Variants in CHLSN observed in about 807,000 individuals in gnomAD.
The protein encoded by CHLSN is protein cholesin.
the CHLSN span, among the ~76,000 whole-genome samples, chr7:1,070,502 CGCACACAT>C: frequency 7.3e-5 from 11 of 150,500 alleles, no homozygotes; most frequent in African/African-American, 2.5e-4. Context: ...CGAATGCACG[CGCACACAT>C]GCACACATGC....
At chr7:1,099,032 C>T in the CHLSN span, among the ~76,000 whole-genome samples, 7 of 152,276 alleles carry the variant, frequency 4.6e-5, no homozygotes, top group African/African-American at 1.4e-4. Context: ...ATTCAAGCGC[C>T]GGGCTGTGTT....
the CHLSN span, chr7:997,797 T>C: frequency 1.2e-6 from 2 of 1,603,692 alleles, no homozygotes; most frequent in African/African-American, 2.7e-5. Context: ...GAAGTGCTCA[T>C]CGGGAACCTG....
the CHLSN span, among the ~76,000 whole-genome samples, chr7:1,035,012 T>C: frequency 6.6e-6 from 1 of 152,264 alleles, no homozygotes; most frequent in East Asian, 1.9e-4. Context: ...CCATGGTGTA[T>C]ATGTACCACA....
the CHLSN span, among the ~76,000 whole-genome samples, chr7:1,007,359 C>T: frequency 6.6e-6 from 1 of 152,250 alleles, no homozygotes; most frequent in Non-Finnish European, 1.5e-5. Flanking sequence ...TTCACCGCTG[C>T]CCCTGGGCTG....
At chr7:1,128,373 G>A in the CHLSN span, among the ~76,000 whole-genome samples, 12 of 5,246 alleles carry the variant, frequency 2.3e-3, no homozygotes, top group African/African-American at 8.1e-3. Flanking sequence ...ACCGTCACCC[G>A]GGCTGGAGTG....
chr7:1,090,672 G>A, the CHLSN span, among the ~76,000 whole-genome samples: 12 of 152,374 alleles, frequency 7.9e-5, no homozygotes, highest in African/African-American at 2.6e-4. Context: ...CACCGCCGTG[G>A]GCGGACAGCC....
chr7:1,041,113 G>T, the CHLSN span, among the ~76,000 whole-genome samples: 2 of 150,120 alleles, frequency 1.3e-5, no homozygotes, highest in Non-Finnish European at 3.0e-5. Flanking sequence ...CGGAATTTAG[G>T]AAGAGGGAAT....
the CHLSN span, among the ~76,000 whole-genome samples, chr7:1,003,803 T>G: frequency 1.6e-5 from 1 of 62,702 alleles, no homozygotes; most frequent in Non-Finnish European, 3.1e-5. Context: ...TCCTGTGGGT[T>G]TGGAGTCCTG....
the CHLSN span, among the ~76,000 whole-genome samples, chr7:1,016,819 A>C: frequency 8.7e-6 from 1 of 114,798 alleles, no homozygotes; most frequent in Non-Finnish European, 1.7e-5. Context: ...ACACCAGCGC[A>C]CAGCAGCGCA....
At chr7:1,007,392 G>A in the CHLSN span, among the ~76,000 whole-genome samples, 5 of 152,234 alleles carry the variant, frequency 3.3e-5, no homozygotes, top group South Asian at 2.1e-4. Context: ...TGGGCCAGCC[G>A]TGGCGTGGCC....
At chr7:988,580 C>T in the CHLSN span, 2 of 1,598,592 alleles carry the variant, frequency 1.3e-6, no homozygotes, top group Non-Finnish European at 8.5e-7. Flanking sequence ...CCCCACCCCT[C>T]CCCTCCAGGA....
chr7:1,032,147 A>G, the CHLSN span, among the ~76,000 whole-genome samples: 3 of 152,174 alleles, frequency 2.0e-5, no homozygotes, highest in African/African-American at 7.2e-5. Flanking sequence ...ACCACGCCCC[A>G]GAGAATGCAG....
the CHLSN span, among the ~76,000 whole-genome samples, chr7:1,054,954 G>GA: frequency 6.6e-6 from 1 of 152,088 alleles, no homozygotes; most frequent in Non-Finnish European, 1.5e-5. Flanking sequence ...TTTCCTCACG[G>GA]AAAAAAGGGT....
the CHLSN span, among the ~76,000 whole-genome samples, chr7:1,117,249 A>G: frequency 1.0e-3 from 21 of 20,866 alleles, no homozygotes; most frequent in South Asian, 1.5e-3. Flanking sequence ...TGACATCACT[A>G]CAGCTCTACG....
the CHLSN span, chr7:1,025,213 G>A: frequency 2.6e-5 from 4 of 152,478 alleles, no homozygotes; most frequent in Non-Finnish European, 5.9e-5. Flanking sequence ...GCTCTGCAGA[G>A]GCCAGTCTGC....
the CHLSN span, among the ~76,000 whole-genome samples, chr7:1,018,953 G>A: frequency 6.6e-6 from 1 of 152,084 alleles, no homozygotes; most frequent in South Asian, 2.1e-4. Flanking sequence ...TGGTCCGGGC[G>A]TGGTGGCCGA....
chr7:1,023,184 C>A, the CHLSN span, among the ~76,000 whole-genome samples: 1 of 152,216 alleles, frequency 6.6e-6, no homozygotes, highest in Non-Finnish European at 1.5e-5. The surrounding 1 kb of genome is among the most constrained non-coding windows in gnomAD (Gnocchi z 5.0). Context: ...GAGACACAGA[C>A]GAGCAGATGT....
the CHLSN span, among the ~76,000 whole-genome samples, chr7:1,038,279 C>T: frequency 1.0e-5 from 1 of 98,694 alleles, no homozygotes; most frequent in Non-Finnish European, 2.3e-5. Context: ...CCCACCTGGC[C>T]AGCCATGCCG....
chr7:1,016,987 C>G, the CHLSN span, among the ~76,000 whole-genome samples: 2 of 142,350 alleles, frequency 1.4e-5, no homozygotes, highest in Non-Finnish European at 3.1e-5. Flanking sequence ...CACCAGCGCA[C>G]AGCAGCGCAC....
Sources: allele counts gnomAD v4.1 joint callset (sites outside exome capture counted in the v4.1 genomes callset), GRCh38; gene constraint gnomAD v4.1.1; non-coding constraint Gnocchi (gnomAD v3.1); transcripts MANE v1.5; gene names NCBI Gene and HGNC (gene_info 2026-07-23, HGNC 2026-07-21).